Variants in FSTL1 observed in about 807,000 individuals in gnomAD.
FSTL1 encodes the protein follistatin like 1.
In FSTL1, 24 loss-of-function variants were observed where a neutral mutation model predicts 45.9. The observed-to-expected ratio is 0.52, with a 90% confidence interval of 0.38 to 0.74. FSTL1 has a LOEUF of 0.74. Ranked by LOEUF, FSTL1 falls within the 30% of genes least tolerant of loss-of-function variation. The pLI is 0.00. For missense variants in FSTL1, 340 were observed against 381.8 expected, an observed-to-expected ratio of 0.89 and a Z score of 0.91; for synonymous variants, 120 against 137.6, an observed-to-expected ratio of 0.87 and a Z score of 0.89.
At chr3:120,431,356 T>C (rs1195626778) in intron 2 of FSTL1, among the ~76,000 whole-genome samples, 1 of 152,224 alleles carries the variant, frequency 6.6e-6, no homozygotes, top group Admixed American at 6.5e-5. Context: ...TCCAAAATAT[T>C]ACCATCTCAA....
chr3:120,450,094 G>C (rs1937850390), intron 2 of FSTL1, among the ~76,000 whole-genome samples: 1 of 152,056 alleles, frequency 6.6e-6, no homozygotes, highest in South Asian at 2.1e-4. Flanking sequence ...CAGAGCAATG[G>C]ATCTTCTCTT....
chr3:120,411,690 T>C (rs1576213021), intron 4 of FSTL1, among the ~76,000 whole-genome samples, 164 bp downstream of exon 4: 1 of 152,318 alleles, frequency 6.6e-6, no homozygotes, highest in East Asian at 1.9e-4. Flanking sequence ...CCCAGCAGGC[T>C]CATAAGTGAC....
Position 120,396,937 on chromosome 3 carries a change from G to T in FSTL1, c.*15C>A, listed in dbSNP as rs1227418285. 3 of 1,594,396 alleles carry T rather than the reference G, an allele frequency of 1.9e-6. No individual in the cohort carries two copies. The highest frequency in any genetic ancestry group is 2.6e-6 in the Non-Finnish European group (3 of 1,162,082). On this transcript the variant is annotated 3_prime_UTR_variant, in exon 11 of 11. Coordinates refer to ENST00000295633, the MANE Select transcript of FSTL1 (RefSeq NM_007085.5). ...AGAAGATGCTGGGATCCAGACACTG[G>T]TCTGTGCCTCCTCATTAGATCTCTT...
In FSTL1 at chr3:120,396,886, G is replaced by T; in HGVS notation, c.*66C>A. The T allele has an allele frequency of 9.1e-7, 1 of 1,097,396 alleles. No individual in the cohort carries two copies. Among genetic ancestry groups the T allele is most frequent in the Non-Finnish European group, 1.4e-6 (1 of 709,600 alleles). The allele number at this position is 1,097,396 out of a possible 1,614,324, so 68.0% of individuals were successfully genotyped here. A position where few individuals can be genotyped will look rare whatever the true frequency, so the allele number is the denominator to read the frequency against. ...TTTGGCGACTGTAGCAGACACTTGT[G>T]TATACTGAACTCAGCGCTGAAGTGG... On this transcript the variant is annotated 3_prime_UTR_variant, in exon 11 of 11. Coordinates refer to ENST00000295633, the MANE Select transcript of FSTL1 (RefSeq NM_007085.5).
At position 120,443,616 on chromosome 3, in the gene FSTL1, A is replaced by G. The variant is rs1937673086; in HGVS notation, c.63+7068T>C. 2.0e-5 allele frequency among the ~76,000 whole-genome samples: 3 copies of G among 149,890 alleles called. 1 individual carries two copies. The highest frequency in any genetic ancestry group is 7.7e-5 in the African/African-American group (3 of 39,198). Reference sequence around the variant, plus strand: ...TTCAAGCCAATATCCCATGACACACACACACACATGCACACATGCATGCAC... The same window carrying G: ...TTCAAGCCAATATCCCATGACACACGCACACACATGCACACATGCATGCAC... On this transcript the variant is annotated intron_variant, in intron 2 of 10. Coordinates refer to ENST00000295633, the MANE Select transcript of FSTL1 (RefSeq NM_007085.5).
intron 5 of FSTL1, chr3:120,410,468 T>G: frequency 3.4e-6 from 1 of 293,784 alleles, no homozygotes; most frequent in African/African-American, 2.2e-5. Flanking sequence ...TAAGATCTAC[T>G]TCACAAAGGC....
chr3:120,414,850 C>T (rs1462396654), intron 3 of FSTL1, among the ~76,000 whole-genome samples: 3 of 151,386 alleles, frequency 2.0e-5, no homozygotes, highest in African/African-American at 7.3e-5. Flanking sequence ...GACACAAACA[C>T]TGCGGAAGGC....
intron 2 of FSTL1, chr3:120,421,691 G>C (rs1241094137): frequency 6.6e-6 from 1 of 152,250 alleles, no homozygotes; most frequent in African/African-American, 2.4e-5. Context: ...ATGGACAGAG[G>C]AGGAGGGACT....
intron 3 of FSTL1, among the ~76,000 whole-genome samples, chr3:120,412,838 G>GCACACACACACACA (rs71156798): frequency 6.6e-5 from 7 of 106,190 alleles, no homozygotes; most frequent in South Asian, 3.0e-4. Flanking sequence ...GCGCGCGCGC[G>GCACACACACACACA]CACACACACA....
intron 7 of FSTL1, among the ~76,000 whole-genome samples, chr3:120,403,946 AAAAAC>A (rs1409015056): frequency 5.0e-5 from 5 of 100,570 alleles, no homozygotes; most frequent in African/African-American, 8.7e-5. Flanking sequence ...AAAAAAAAAC[AAAAAC>A]AAAACAAAAC....
Position 120,444,865 on chromosome 3 carries a change from T to G in FSTL1, c.63+5819A>C, listed in dbSNP as rs1445156947. Among the ~76,000 whole-genome samples, 2 of 149,826 alleles carry G rather than the reference T, an allele frequency of 1.3e-5. 1 individual carries two copies. The highest frequency in any genetic ancestry group is 5.1e-5 in the African/African-American group (2 of 39,146). On this transcript the variant is annotated intron_variant, in intron 2 of 10. Transcript: ENST00000295633. ...GGTGTGTGCTTTTTAAATTAAATTA[T>G]AATCATTTGCCGGCGCTTCAAAATG... is the stretch of plus-strand genomic sequence containing the variant.
At chr3:120,405,968 C>A (rs1936940196) in intron 6 of FSTL1, among the ~76,000 whole-genome samples, 1 of 152,148 alleles carries the variant, frequency 6.6e-6, no homozygotes, top group African/African-American at 2.4e-5. Context: ...CCCCATGTTA[C>A]TTTCAAGATG....
At chr3:120,433,954 T>A (rs1486385290) in intron 2 of FSTL1, among the ~76,000 whole-genome samples, 1 of 152,200 alleles carries the variant, frequency 6.6e-6, no homozygotes, top group Non-Finnish European at 1.5e-5. Flanking sequence ...AAGGTACTGA[T>A]AAGTCTGTAT....
At chr3:120,450,140 A>C (rs1937852377) in intron 2 of FSTL1, among the ~76,000 whole-genome samples, 1 of 152,206 alleles carries the variant, frequency 6.6e-6, no homozygotes, top group Non-Finnish European at 1.5e-5. Context: ...ACTTGGGAAA[A>C]GGCCGTTACA....
intron 2 of FSTL1, among the ~76,000 whole-genome samples, chr3:120,424,685 G>C (rs1259307): frequency 6.6e-6 from 1 of 151,878 alleles, no homozygotes; most frequent in African/African-American, 2.4e-5. Flanking sequence ...ATCCAAGAGA[G>C]ATCTCTACAG....
At chr3:120,441,483 C>T (rs1937626944) in intron 2 of FSTL1, 1 of 152,198 alleles carries the variant, frequency 6.6e-6, no homozygotes, top group South Asian at 2.1e-4. Flanking sequence ...TCAGTAGAAG[C>T]AAGGGTTCTG....
At position 120,420,985 on chromosome 3, in the gene FSTL1, C is replaced by G. The variant is rs116784120; in HGVS notation, c.64-4958G>C. Among the ~76,000 whole-genome samples the G allele has an allele frequency of 4.6e-3, 693 of 152,270 alleles. 10 individuals are homozygous for G. Among genetic ancestry groups the G allele is most frequent in the African/African-American group, 0.015 (640 of 41,536 alleles). On this transcript the variant is annotated intron_variant, in intron 2 of 10. Coordinates refer to ENST00000295633, the MANE Select transcript of FSTL1 (RefSeq NM_007085.5). ...TGCAATCAAAAAAGATCTTTGCAAG[C>G]AAATGGAGAAGCAAGTTATTTGCAA...
intron 4 of FSTL1, 100 bp downstream of exon 4, chr3:120,411,754 G>A: frequency 9.6e-7 from 1 of 1,040,286 alleles, no homozygotes; most frequent in South Asian, 1.5e-5. Flanking sequence ...GAGAGGCTGT[G>A]GTCGTGGAGG....
chr3:120,412,272 A>C (rs576119897), intron 3 of FSTL1, among the ~76,000 whole-genome samples: 17 of 152,366 alleles, frequency 1.1e-4, no homozygotes, highest in African/African-American at 3.8e-4. Context: ...TCCCTCCAAA[A>C]TTCATGTTGA....
Sources: gnomAD v4.1 joint callset for allele counts (sites outside exome capture counted in the v4.1 genomes callset) on GRCh38, gnomAD v4.1.1 for gene constraint, MANE v1.5 for transcripts, NCBI Gene and HGNC (gene_info 2026-07-23, HGNC 2026-07-21) for gene names.